Variants in NRXN1 observed in about 807,000 individuals in gnomAD.
NRXN1 encodes the protein neurexin-1.
NRXN1 carries 39 observed loss-of-function variants against 150.9 expected under a neutral mutation model. The observed-to-expected ratio is 0.26, with a 90% CI of 0.20 to 0.34. The LOEUF is 0.34. Among genes scored for constraint, NRXN1 ranks in the 10% least tolerant of loss-of-function variants. The pLI is 1.00. For missense variants in NRXN1, 1,815 were observed against 1,949.9 expected (o/e 0.93, Z 1.30); for synonymous variants, 924 against 757.0 (o/e 1.22, Z -3.62).
At chr2:50,534,953 C>T (rs1004419043) in intron 10 of NRXN1, among the ~76,000 whole-genome samples, 1 of 152,114 alleles carries the variant, frequency 6.6e-6, no homozygotes, top group Admixed American at 6.6e-5. Flanking sequence ...TTAACATTCT[C>T]CAGAAAGCTG....
At chr2:50,733,181 A>T (rs1316690904) in intron 5 of NRXN1, among the ~76,000 whole-genome samples, 4 of 152,128 alleles carry the variant, frequency 2.6e-5, no homozygotes, top group Non-Finnish European at 5.9e-5. Context: ...TGTAGACTGA[A>T]ATCTATTTTT....
At position 50,109,297 on chromosome 2, in the gene NRXN1, G is replaced by C. The variant is rs924841062; in HGVS notation, c.3547-17803C>G. 5.3e-5 allele frequency among the ~76,000 whole-genome samples: 8 copies of C among 151,956 alleles called. No individual in the cohort carries two copies. The East Asian group carries it at 1.3e-3, about 26-fold the overall frequency. ...TCTCTTGCTTTACTTTCCTCATTTA[G>C]TTCATCTTTTTCTAGATCATCCTTT... is the stretch of plus-strand genomic sequence containing the variant. On this transcript the variant is annotated intron_variant, in intron 18 of 22. Transcript: ENST00000401669.
Position 50,346,344 on chromosome 2 carries a change from C to T in NRXN1, c.3365-109374G>A, listed in dbSNP as rs953112695. 6.6e-6 allele frequency among the ~76,000 whole-genome samples: 1 copy of T among 152,110 alleles called. No homozygotes were observed. Among genetic ancestry groups the T allele is most frequent in the Non-Finnish European group, 1.5e-5 (1 of 68,016 alleles). On this transcript the variant is annotated intron_variant, in intron 17 of 22. Coordinates refer to ENST00000401669, the MANE Select transcript of NRXN1 (RefSeq NM_001330078.2). The surrounding 1 kb of genome is among the most constrained non-coding windows in gnomAD (Gnocchi z 5.0). ...GGTGCTCAGGTCCCTTAGCTGAGCGCGGCGCCCCATCCGGCCACTGAGTGA... is the reference window on the plus strand; with the variant it reads ...GGTGCTCAGGTCCCTTAGCTGAGCGTGGCGCCCCATCCGGCCACTGAGTGA...
intron 5 of NRXN1, among the ~76,000 whole-genome samples, chr2:50,636,825 A>T (rs550111926): frequency 6.6e-5 from 10 of 152,286 alleles, no homozygotes; most frequent in Non-Finnish European, 1.3e-4. Context: ...AGTGTTACAG[A>T]TTGTGTTTGA....
chr2:50,735,211 G>C (rs1457000982), intron 5 of NRXN1, among the ~76,000 whole-genome samples: 1 of 151,418 alleles, frequency 6.6e-6, no homozygotes, highest in Non-Finnish European at 1.5e-5. Context: ...TGTCTCTCTG[G>C]ATACCTTTAT....
At chr2:50,071,307 G>A (rs956887701) in intron 19 of NRXN1, among the ~76,000 whole-genome samples, 2 of 152,206 alleles carry the variant, frequency 1.3e-5, no homozygotes, top group African/African-American at 4.8e-5. Context: ...CTTAAAGACT[G>A]TTATGAGCTC....
At chr2:50,703,924 G>C (rs573141165) in intron 5 of NRXN1, among the ~76,000 whole-genome samples, 2 of 151,988 alleles carry the variant, frequency 1.3e-5, no homozygotes, top group Non-Finnish European at 2.9e-5. Flanking sequence ...ATCCAGAGCT[G>C]GGCATTTTAA....
At chr2:50,432,736 T>C (rs2085080925) in intron 17 of NRXN1, among the ~76,000 whole-genome samples, 1 of 152,210 alleles carries the variant, frequency 6.6e-6, no homozygotes, top group Admixed American at 6.5e-5. Context: ...ATATCTAATC[T>C]CCATAACTCT....
At chr2:50,330,462 C>T (rs1444004852) in intron 17 of NRXN1, among the ~76,000 whole-genome samples, 2 of 152,064 alleles carry the variant, frequency 1.3e-5, no homozygotes, top group East Asian at 1.9e-4. Context: ...AGGCCACGTC[C>T]TTTTGCTTTA....
At chr2:50,147,683 A>C (rs1346358189) in intron 18 of NRXN1, among the ~76,000 whole-genome samples, 4 of 151,738 alleles carry the variant, frequency 2.6e-5, no homozygotes, top group African/African-American at 9.7e-5. Context: ...CCTCTAACCC[A>C]CTTGTAAAAT....
Position 51,027,936 on chromosome 2 carries a change from G to T in NRXN1, c.338C>A (p.Ala113Asp), listed in dbSNP as rs201542547. 1.9e-6 allele frequency: 3 copies of T among 1,604,978 alleles called. No homozygotes were observed. In the East Asian group the frequency reaches 6.7e-5, roughly 36 times the overall value. Residue 113 changes from alanine to aspartate, a missense_variant, in exon 2 of 23, where the codon GCC (alanine) becomes GAC (aspartate). By Grantham distance (126) the Ala-to-Asp change is moderately radical (BLOSUM62 -2). This residue lies in a region of NRXN1 where 554 missense variants were observed against 478.8 expected (regional missense o/e 1.16). Transcript: ENST00000401669. Reference protein sequence around the residue: ...LLADTPVNDGAWHSVRIRRQF... With the variant: ...LLADTPVNDGDWHSVRIRRQF... ...GCGGCGGATGCGCACGCTGTGCCAG[G>T]CGCCGTCGTTAACCGGCGTGTCGGC...
chr2:50,975,005 T>A (rs1298142939), intron 2 of NRXN1, among the ~76,000 whole-genome samples: 1 of 152,008 alleles, frequency 6.6e-6, no homozygotes, highest in African/African-American at 2.4e-5. Flanking sequence ...GTTCCCAAAA[T>A]GTGGTTCCAG....
chr2:50,583,050 GT>G (rs779677425), intron 8 of NRXN1, among the ~76,000 whole-genome samples: 73 of 144,546 alleles, frequency 5.1e-4, no homozygotes, highest in Middle Eastern at 7.1e-3. Flanking sequence ...CTCCCACCTA[GT>G]TTTTTTTTTT....
intron 2 of NRXN1, among the ~76,000 whole-genome samples, chr2:50,993,937 ATTT>A (rs1278961907): frequency 6.6e-6 from 1 of 151,884 alleles, no homozygotes; most frequent in African/African-American, 2.4e-5. Context: ...ACTACTTTCT[ATTT>A]TCCTACATTG....
chr2:50,920,204 G>A (rs1298138028), intron 5 of NRXN1, among the ~76,000 whole-genome samples: 1 of 151,724 alleles, frequency 6.6e-6, no homozygotes, highest in Non-Finnish European at 1.5e-5. Flanking sequence ...TGTCCTCTGT[G>A]TCTTTGTGCT....
chr2:50,129,925 T>C (rs1269564377), intron 18 of NRXN1, among the ~76,000 whole-genome samples: 1 of 152,224 alleles, frequency 6.6e-6, no homozygotes, highest in Non-Finnish European at 1.5e-5. Flanking sequence ...AAGCTAAATA[T>C]AATTTATATT....
At chr2:50,958,520 A>G (rs1294056480) in intron 2 of NRXN1, among the ~76,000 whole-genome samples, 1 of 151,916 alleles carries the variant, frequency 6.6e-6, no homozygotes, top group Non-Finnish European at 1.5e-5. Flanking sequence ...GTATTTATTG[A>G]TATTTTTATA....
Position 50,889,758 on chromosome 2 carries a change from T to C in NRXN1, c.832+32111A>G, listed in dbSNP as rs1680783374. On this transcript the variant is annotated intron_variant, in intron 5 of 22. Transcript: ENST00000401669. ...CACACTTTTAGTAAACTTTAGAAAATGTAAATACTAATAAAATGTTATAAA... is the reference window on the plus strand; with the variant it reads ...CACACTTTTAGTAAACTTTAGAAAACGTAAATACTAATAAAATGTTATAAA... Among the ~76,000 whole-genome samples, 4 of 151,634 alleles carry C rather than the reference T, an allele frequency of 2.6e-5. No homozygotes were observed. In the South Asian group the frequency reaches 8.3e-4, roughly 31 times the overall value.
chr2:50,111,178 T>C (rs1355746227), intron 18 of NRXN1, among the ~76,000 whole-genome samples: 2 of 152,074 alleles, frequency 1.3e-5, no homozygotes, highest in African/African-American at 4.8e-5. Context: ...AATAGTAAAA[T>C]AACAAAATTC....
Sources: gnomAD v4.1 joint callset for allele counts (sites outside exome capture counted in the v4.1 genomes callset) on GRCh38, gnomAD v4.1.1 for gene constraint, gnomAD v4.1.1 regional missense constraint, Gnocchi (gnomAD v3.1) non-coding constraint, MANE v1.5 for transcripts, NCBI Gene and HGNC (gene_info 2026-07-23, HGNC 2026-07-21) for gene names.